LMBR1: variants seen among roughly 807,000 people sequenced by gnomAD.
LMBR1 encodes the protein limb development membrane protein 1, also known as limb region 1 protein homolog.
In LMBR1, 52 loss-of-function variants were observed where a neutral mutation model predicts 73.9. The ratio of observed to expected loss-of-function variants is 0.70; its 90% confidence interval spans 0.56 to 0.89. LMBR1 has a LOEUF of 0.89. LMBR1 is among the 40% of genes least tolerant of loss of function. The probability of loss-of-function intolerance (pLI) is 0.00; values close to 1 mark genes in which losing one functional copy is unlikely to be tolerated. For synonymous variants in LMBR1, 215 were observed against 209.4 expected (o/e 1.03, Z -0.23); for missense variants, 539 against 579.8 (o/e 0.93, Z 0.72).
intron 3 of LMBR1, among the ~76,000 whole-genome samples, chr7:156,828,603 T>TA (rs781240408): frequency 4.6e-5 from 7 of 151,820 alleles, no homozygotes; most frequent in East Asian, 3.9e-4. Context: ...ATAACTAGTG[T>TA]AAAAAAAAGC....
At chr7:156,702,326 A>T (rs1440583574) in intron 15 of LMBR1, among the ~76,000 whole-genome samples, 1 of 152,172 alleles carries the variant, frequency 6.6e-6, no homozygotes, top group Non-Finnish European at 1.5e-5. Flanking sequence ...TCTGACTGGC[A>T]TGATATGGTA....
At chr7:156,786,112 A>G (rs887331707) in intron 5 of LMBR1, among the ~76,000 whole-genome samples, 1 of 150,248 alleles carries the variant, frequency 6.7e-6, no homozygotes, top group Non-Finnish European at 1.5e-5. Flanking sequence ...GGAGGGAGGG[A>G]AGGAGGGAGG....
chr7:156,878,275 T>TGATGATA (rs1377143796), intron 1 of LMBR1, among the ~76,000 whole-genome samples: 7 of 152,212 alleles, frequency 4.6e-5, no homozygotes, highest in South Asian at 2.1e-4. Context: ...TGCTGTTTGC[T>TGATGATA]GATGATATGA....
In LMBR1 at chr7:156,728,025, A is replaced by C. The variant is rs1406306080; in HGVS notation, c.916-18T>G. On this transcript the variant is annotated intron_variant, in intron 11 of 16. Coordinates refer to ENST00000353442, the MANE Select transcript of LMBR1 (RefSeq NM_022458.4). Reference sequence around the variant, plus strand: ...GAGATGGACTACAAGACAAACAGCAAACTGTCAGCTCTCAAGATTTTTCAC... The same window carrying C: ...GAGATGGACTACAAGACAAACAGCACACTGTCAGCTCTCAAGATTTTTCAC... 1 of 1,591,036 alleles carries C rather than the reference A, an allele frequency of 6.3e-7. No individual in the cohort carries two copies. Among genetic ancestry groups the C allele is most frequent in the Non-Finnish European group, 8.6e-7 (1 of 1,160,652 alleles).
At chr7:156,691,143 C>T (rs1807089761) in intron 15 of LMBR1, among the ~76,000 whole-genome samples, 2 of 152,070 alleles carry the variant, frequency 1.3e-5, no homozygotes, top group African/African-American at 2.4e-5. Flanking sequence ...TTTTAAAATA[C>T]TACTATTAGA....
chr7:156,760,359 G>A (rs1822749005), intron 8 of LMBR1, among the ~76,000 whole-genome samples: 1 of 152,144 alleles, frequency 6.6e-6, no homozygotes, highest in African/African-American at 2.4e-5. Flanking sequence ...GCTCCATGGG[G>A]TATTCAATTA....
intron 5 of LMBR1, among the ~76,000 whole-genome samples, chr7:156,780,038 T>C (rs1050993632): frequency 6.6e-6 from 1 of 152,314 alleles, no homozygotes; most frequent in South Asian, 2.1e-4. Context: ...CTAGAGAGTG[T>C]CAAACATTTC....
At chr7:156,704,666 G>T (rs571697100) in intron 15 of LMBR1, among the ~76,000 whole-genome samples, 1 of 148,330 alleles carries the variant, frequency 6.7e-6, no homozygotes, top group Non-Finnish European at 1.5e-5. Flanking sequence ...CAAGCTCAAT[G>T]AGATGTAAGA....
intron 4 of LMBR1, among the ~76,000 whole-genome samples, chr7:156,821,502 G>C (rs1834795751): frequency 1.3e-5 from 2 of 152,208 alleles, no homozygotes; most frequent in South Asian, 4.1e-4. Context: ...TGCTTTGCTT[G>C]GAAAGAGAAA....
chr7:156,770,791 G>A (rs12538647), intron 5 of LMBR1, among the ~76,000 whole-genome samples: 6,148 of 152,158 alleles, frequency 0.04, 177 homozygotes, highest in Non-Finnish European at 0.049. Context: ...GCACACACCT[G>A]TAGTCCCAGC....
chr7:156,737,360 T>A (rs1818071972), intron 9 of LMBR1, among the ~76,000 whole-genome samples: 1 of 152,178 alleles, frequency 6.6e-6, no homozygotes, highest in Non-Finnish European at 1.5e-5. Flanking sequence ...GCTTGTCATT[T>A]CCCTTTTAAA....
At chr7:156,720,403 C>T (rs1250913753) in intron 15 of LMBR1, among the ~76,000 whole-genome samples, 2 of 152,176 alleles carry the variant, frequency 1.3e-5, no homozygotes, top group South Asian at 2.1e-4. Context: ...GACCCACAGA[C>T]ATTTTCTCAG....
At position 156,745,892 on chromosome 7, in the gene LMBR1, C is replaced by T. The variant is rs1424460091; in HGVS notation, c.757+10501G>A. On this transcript the variant is annotated intron_variant, in intron 9 of 16. Transcript: ENST00000353442. ...AGAGTTCATGAGTTTTATCACTTTA[C>T]TTGTTAATATATAATTGATATATTT... Among the ~76,000 whole-genome samples the T allele has an allele frequency of 3.9e-5, 6 of 152,148 alleles. No homozygotes were observed. In the East Asian group the frequency reaches 1.2e-3, roughly 29 times the overall value.
chr7:156,756,533 G>A (rs961007411), intron 8 of LMBR1, 68 bp from the exon 9 acceptor site: 55 of 768,928 alleles, frequency 7.2e-5, no homozygotes, highest in Non-Finnish European at 1.1e-4. Context: ...GACCATTTAG[G>A]CTATTTGGTC....
At chr7:156,794,596 A>G (rs1326685348) in intron 5 of LMBR1, among the ~76,000 whole-genome samples, 4 of 152,234 alleles carry the variant, frequency 2.6e-5, no homozygotes, top group Non-Finnish European at 5.9e-5. Context: ...TATTGTAAAT[A>G]ACAATCTATT....
At chr7:156,837,016 AC>A (rs1837753997) in intron 1 of LMBR1, 131 bp from the exon 2 acceptor site, 5 of 646,838 alleles carry the variant, frequency 7.7e-6, no homozygotes, top group Non-Finnish European at 1.3e-5. Flanking sequence ...TGGACATTTT[AC>A]TCATTAAAGT....
At chr7:156,677,496 G>C (rs773439592), downstream of LMBR1, among the ~76,000 whole-genome samples, 3 of 152,166 alleles carry the variant, frequency 2.0e-5, no homozygotes, top group Non-Finnish European at 2.9e-5. Flanking sequence ...AGGGGCAGGA[G>C]GACATTGTTC....
chr7:156,784,960 C>T lies in LMBR1; in HGVS notation c.423+11429G>A, dbSNP rs546486469. Among the ~76,000 whole-genome samples, 30 of 152,302 alleles carry T rather than the reference C, an allele frequency of 2.0e-4. No individual in the cohort carries two copies. In the South Asian group the frequency reaches 2.9e-3, roughly 15 times the overall value. On this transcript the variant is annotated intron_variant, in intron 5 of 16. Transcript: ENST00000353442. ...AACAGACATCTGCATCTCTTTTGCC[C>T]AGTTCCAAGTCTTGGACAATTTTTC...
intron 1 of LMBR1, chr7:156,892,692 G>C (rs1803302611): frequency 3.0e-6 from 1 of 334,590 alleles, no homozygotes; most frequent in East Asian, 5.0e-5. Flanking sequence ...GGAGGCAAGA[G>C]CGGAGCGGGG....
Sources: allele counts gnomAD v4.1 joint callset (sites outside exome capture counted in the v4.1 genomes callset), GRCh38; gene constraint gnomAD v4.1.1; transcripts MANE v1.5; gene names NCBI Gene and HGNC (gene_info 2026-07-23, HGNC 2026-07-21).